Variants in MBNL2 observed in about 807,000 individuals in gnomAD.
MBNL2 encodes muscleblind like splicing regulator 2.
A neutral mutation model predicts 41.9 loss-of-function variants in MBNL2; 17 were observed. That is an observed-to-expected ratio of 0.41 (90% CI 0.28 to 0.61). The LOEUF (loss-of-function observed/expected upper bound fraction) is 0.61. MBNL2 is among the 20% of genes least tolerant of loss of function. The probability of loss-of-function intolerance (pLI) is 0.35; values close to 1 mark genes in which losing one functional copy is unlikely to be tolerated. For missense variants in MBNL2, 336 were observed against 505.6 expected, an observed-to-expected ratio of 0.66 and a Z score of 3.22; for synonymous variants, 195 against 182.9, an observed-to-expected ratio of 1.07 and a Z score of -0.53.
In MBNL2 at chr13:97,374,063, A is replaced by ATTTTTTTTTTTTTTTTT. The variant is rs61185219; in HGVS notation, c.1048+8905_1048+8921dup. On this transcript the variant is annotated intron_variant, in intron 8 of 8. Transcript: ENST00000679496. ...CACCTCAAATCCCATCCTCCTTTGC[A>ATTTTTTTTTTTTTTTTT]TTTTTTTTTTTTTTTTTTTTTTTTT... 8.2e-4 allele frequency among the ~76,000 whole-genome samples: 52 copies of ATTTTTTTTTTTTTTTTT among 63,106 alleles called. 9 individuals carry two copies. Among genetic ancestry groups the ATTTTTTTTTTTTTTTTT allele is most frequent in the Non-Finnish European group, 1.2e-3 (38 of 32,508 alleles). 41.4% of individuals were successfully genotyped at this position (63,106 alleles called of 152,430 possible).
At chr13:97,260,371 G>T (rs1042314052) in intron 1 of MBNL2, among the ~76,000 whole-genome samples, 2 of 152,176 alleles carry the variant, frequency 1.3e-5, no homozygotes, top group African/African-American at 2.4e-5. Flanking sequence ...GTGAGGTGGG[G>T]AGCCATTGGA....
intron 2 of MBNL2, among the ~76,000 whole-genome samples, chr13:97,325,397 T>C (rs2059827501): frequency 1.3e-5 from 2 of 152,142 alleles, no homozygotes. Context: ...ACAAGTAGTA[T>C]GAGAAATTGG....
intron 2 of MBNL2, among the ~76,000 whole-genome samples, chr13:97,310,207 G>A (rs74104396): frequency 2.6e-5 from 4 of 152,148 alleles, no homozygotes; most frequent in South Asian, 2.1e-4. Context: ...CCAAAGAGTC[G>A]TGTGATCCCA....
At chr13:97,294,585 C>T (rs1487896345) in intron 2 of MBNL2, among the ~76,000 whole-genome samples, 1 of 152,316 alleles carries the variant, frequency 6.6e-6, no homozygotes, top group East Asian at 1.9e-4. Flanking sequence ...CTTATGGAGG[C>T]ATCTGGTCAG....
At chr13:97,305,826 C>T (rs2058075665) in intron 2 of MBNL2, among the ~76,000 whole-genome samples, 1 of 152,052 alleles carries the variant, frequency 6.6e-6, no homozygotes, top group Admixed American at 6.6e-5. Context: ...TTGTCAGAGT[C>T]TCATGATGAG....
chr13:97,187,619 AAAAAG>A, the MBNL2 span, among the ~76,000 whole-genome samples: 2 of 142,928 alleles, frequency 1.4e-5, no homozygotes, highest in Non-Finnish European at 3.1e-5. Context: ...AAAAAAAAAA[AAAAAG>A]AGGCCGGGCG....
Position 97,346,312 on chromosome 13 carries a change from A to C in MBNL2, c.541-492A>C, listed in dbSNP as rs1004484440. ...GGATGGATAGATAGATGGATAATAG[A>C]TAATAGAGGGATAGATTGATAGATG... On this transcript the variant is annotated intron_variant, in intron 4 of 8. Transcript: ENST00000679496. The surrounding 1 kb of genome is among the most constrained non-coding windows in gnomAD (Gnocchi z 4.2). Among the ~76,000 whole-genome samples, 10 of 152,080 alleles carry C rather than the reference A, an allele frequency of 6.6e-5. No homozygotes were observed. Among genetic ancestry groups the C allele is most frequent in the Non-Finnish European group, 1.3e-4 (9 of 68,000 alleles).
chr13:97,197,599 CTTTCT>C, the MBNL2 span, among the ~76,000 whole-genome samples: 1 of 152,000 alleles, frequency 6.6e-6, no homozygotes, highest in Non-Finnish European at 1.5e-5. Context: ...ATTTTTGGTG[CTTTCT>C]TTCTCTTATT....
chr13:97,313,309 T>G (rs74104398), intron 2 of MBNL2, among the ~76,000 whole-genome samples: 1 of 152,216 alleles, frequency 6.6e-6, no homozygotes. Flanking sequence ...CAATTTTCAA[T>G]GGTTTTCCCT....
chr13:97,365,057 C>T, intron 7 of MBNL2, 79 bp from the exon 8 acceptor site: 1 of 911,422 alleles, frequency 1.1e-6, no homozygotes, highest in Non-Finnish European at 1.9e-6. Flanking sequence ...TTCAATCTCA[C>T]TTTGAATGTT....
chr13:97,233,075 C>T (rs867221583), intron 1 of MBNL2, among the ~76,000 whole-genome samples: 3 of 137,002 alleles, frequency 2.2e-5, no homozygotes, highest in African/African-American at 8.3e-5. Context: ...CTTTGACTTC[C>T]CTTCCTGTGC....
chr13:97,143,030 T>A, the MBNL2 span, among the ~76,000 whole-genome samples: 1 of 152,188 alleles, frequency 6.6e-6, no homozygotes, highest in South Asian at 2.1e-4. Context: ...CTAGCCCAGA[T>A]TTATCATGTC....
intron 8 of MBNL2, among the ~76,000 whole-genome samples, chr13:97,378,586 T>C (rs892387872): frequency 3.3e-5 from 5 of 152,230 alleles, no homozygotes; most frequent in African/African-American, 1.2e-4. Flanking sequence ...GTTTATACTT[T>C]ATCATCAGTG....
At chr13:97,247,303 T>G (rs1032888247) in intron 1 of MBNL2, among the ~76,000 whole-genome samples, 56 of 152,252 alleles carry the variant, frequency 3.7e-4, no homozygotes, top group African/African-American at 1.3e-3. Flanking sequence ...AAAAAGCACT[T>G]GAAGCCTGGC....
the MBNL2 span, among the ~76,000 whole-genome samples, chr13:97,183,306 G>A: frequency 6.6e-6 from 1 of 152,086 alleles, no homozygotes; most frequent in African/African-American, 2.4e-5. Flanking sequence ...ATCTTTCATA[G>A]TAGTTACCCA....
At chr13:97,317,671 T>C (rs2059169870) in intron 2 of MBNL2, among the ~76,000 whole-genome samples, 1 of 152,244 alleles carries the variant, frequency 6.6e-6, no homozygotes, top group African/African-American at 2.4e-5. Context: ...AGTGGTGCCT[T>C]GTCTTGCCCT....
chr13:97,243,220 C>T (rs1172763249), intron 1 of MBNL2, among the ~76,000 whole-genome samples: 1 of 152,214 alleles, frequency 6.6e-6, no homozygotes, highest in East Asian at 1.9e-4. Context: ...GATGCATTTT[C>T]AGTTTACCCT....
chr13:97,318,754 C>G (rs2059260011), intron 2 of MBNL2, among the ~76,000 whole-genome samples: 1 of 152,174 alleles, frequency 6.6e-6, no homozygotes, highest in South Asian at 2.1e-4. Flanking sequence ...AGTTTACAGG[C>G]AGGTCCTAAG....
At chr13:97,143,022 A>G in the MBNL2 span, among the ~76,000 whole-genome samples, 1 of 152,222 alleles carries the variant, frequency 6.6e-6, no homozygotes, top group African/African-American at 2.4e-5. Context: ...CTAGCTACCT[A>G]GCCCAGATTT....
Sources: allele counts gnomAD v4.1 joint callset (sites outside exome capture counted in the v4.1 genomes callset), GRCh38; gene constraint gnomAD v4.1.1; non-coding constraint Gnocchi (gnomAD v3.1); transcripts MANE v1.5; gene names NCBI Gene and HGNC (gene_info 2026-07-23, HGNC 2026-07-21).